SPON1: variants seen among roughly 807,000 people sequenced by gnomAD.
SPON1 encodes spondin 1.
Under a neutral mutation model 111.7 loss-of-function variants are expected in SPON1, and 52 were observed. The observed-to-expected ratio is 0.47, with a 90% confidence interval of 0.37 to 0.59. The LOEUF is 0.59. Among genes scored for constraint, SPON1 ranks in the 20% least tolerant of loss-of-function variants. The pLI, the probability that SPON1 is intolerant of heterozygous loss-of-function variation, is 0.00. For missense variants in SPON1, 957 were observed against 1,068.5 expected, an observed-to-expected ratio of 0.90 and a Z score of 1.46; for synonymous variants, 410 against 395.8, an observed-to-expected ratio of 1.04 and a Z score of -0.43.
At chr11:14,060,525 C>T (rs1167803551) in intron 3 of SPON1, among the ~76,000 whole-genome samples, 1 of 152,170 alleles carries the variant, frequency 6.6e-6, no homozygotes, top group Non-Finnish European at 1.5e-5. Context: ...CTACCTACCT[C>T]ATAGGCAGGA....
At chr11:14,162,248 T>TAG (rs1315065447) in intron 6 of SPON1, among the ~76,000 whole-genome samples, 2 of 151,876 alleles carry the variant, frequency 1.3e-5, no homozygotes, top group African/African-American at 4.8e-5. Flanking sequence ...CACATATATG[T>TAG]AGAGAGAGGG....
At chr11:13,986,110 A>G (rs1848180465) in intron 2 of SPON1, among the ~76,000 whole-genome samples, 2 of 152,238 alleles carry the variant, frequency 1.3e-5, no homozygotes, top group Admixed American at 6.5e-5. Flanking sequence ...CATTGGGGAT[A>G]GGGTGGTGAG....
At chr11:14,213,847 T>A (rs1848601033) in intron 6 of SPON1, among the ~76,000 whole-genome samples, 1 of 152,210 alleles carries the variant, frequency 6.6e-6, no homozygotes, top group African/African-American at 2.4e-5. Flanking sequence ...GTAAGCAGGC[T>A]TTTTTATAAG....
chr11:14,183,890 A>G (rs1367529390), intron 6 of SPON1, among the ~76,000 whole-genome samples: 1 of 54,880 alleles, frequency 1.8e-5, no homozygotes, highest in Non-Finnish European at 4.4e-5. Context: ...AAATATGATA[A>G]TAATATTCAC....
chr11:14,205,480 C>T (rs1848507909), intron 6 of SPON1, among the ~76,000 whole-genome samples: 1 of 152,148 alleles, frequency 6.6e-6, no homozygotes, highest in Non-Finnish European at 1.5e-5. Flanking sequence ...GAAATAGGCC[C>T]ACATTCTCAT....
chr11:14,082,186 G>GAA (rs5789822), intron 5 of SPON1, among the ~76,000 whole-genome samples: 13 of 150,388 alleles, frequency 8.6e-5, no homozygotes, highest in South Asian at 2.1e-4. Flanking sequence ...GGGAGGAGGT[G>GAA]AAAAAAAAAA....
chr11:14,082,107 C>T (rs1360067080), intron 5 of SPON1, among the ~76,000 whole-genome samples: 1 of 152,086 alleles, frequency 6.6e-6, no homozygotes, highest in African/African-American at 2.4e-5. Flanking sequence ...GGGCCCGTTA[C>T]TCATCTTTTG....
chr11:13,988,151 C>T (rs1186894002), intron 2 of SPON1, among the ~76,000 whole-genome samples: 3 of 152,116 alleles, frequency 2.0e-5, no homozygotes, highest in Admixed American at 6.5e-5. Flanking sequence ...GGCAGTATGG[C>T]CATTTTCATG....
intron 2 of SPON1, among the ~76,000 whole-genome samples, chr11:14,009,017 C>A (rs117843474): frequency 6.6e-6 from 1 of 152,168 alleles, no homozygotes; most frequent in South Asian, 2.1e-4. Flanking sequence ...ACCATAGTAA[C>A]CTTTCTGCAT....
In SPON1 at chr11:14,037,629, C is replaced by G. The variant is rs185460754; in HGVS notation, c.346-3892C>G. 5.3e-4 allele frequency among the ~76,000 whole-genome samples: 81 copies of G among 152,008 alleles called. 1 individual carries two copies. The highest frequency in any genetic ancestry group is 2.0e-3 in the African/African-American group (81 of 41,460). Reference sequence around the variant, plus strand: ...TGTAAAATGCAGAACTATAAAACTCCTAGAAGACAACACAGAAGAAAACCT... The same window carrying G: ...TGTAAAATGCAGAACTATAAAACTCGTAGAAGACAACACAGAAGAAAACCT... On this transcript the variant is annotated intron_variant, in intron 2 of 15. Transcript: ENST00000576479.
At chr11:14,210,792 A>T (rs1848567109) in intron 6 of SPON1, among the ~76,000 whole-genome samples, 2 of 152,266 alleles carry the variant, frequency 1.3e-5, no homozygotes, top group South Asian at 4.1e-4. Flanking sequence ...AGGTGTAAGG[A>T]AGGGGTCCAG....
intron 4 of SPON1, among the ~76,000 whole-genome samples, chr11:14,076,580 C>CAAA (rs1204845037): frequency 6.6e-6 from 1 of 152,138 alleles, no homozygotes; most frequent in African/African-American, 2.4e-5. Context: ...GCTTTCTTAG[C>CAAA]ATCATATACT....
chr11:14,138,371 TTAA>T (rs543762078), intron 6 of SPON1, among the ~76,000 whole-genome samples: 174 of 152,168 alleles, frequency 1.1e-3, no homozygotes, highest in African/African-American at 4.0e-3. Context: ...TAACAGTATA[TTAA>T]TAATAATACT....
At chr11:14,178,560 A>G (rs1354017138) in intron 6 of SPON1, among the ~76,000 whole-genome samples, 4 of 152,224 alleles carry the variant, frequency 2.6e-5, no homozygotes, top group African/African-American at 9.6e-5. Flanking sequence ...TCCTTGGGCT[A>G]AATTGTTACA....
chr11:14,136,690 A>T (rs1242676246), intron 6 of SPON1, among the ~76,000 whole-genome samples: 2 of 152,170 alleles, frequency 1.3e-5, no homozygotes, highest in African/African-American at 4.8e-5. Flanking sequence ...AATGCCCCAG[A>T]ATGAGCTTAT....
At chr11:14,194,398 G>T (rs1848378975) in intron 6 of SPON1, among the ~76,000 whole-genome samples, 2 of 152,112 alleles carry the variant, frequency 1.3e-5, no homozygotes, top group African/African-American at 2.4e-5. Context: ...AACTTGAATG[G>T]CAAATGCCAG....
chr11:14,090,824 G>GCCACCTC (rs1849046497), intron 5 of SPON1, among the ~76,000 whole-genome samples: 1 of 45,580 alleles, frequency 2.2e-5, no homozygotes, highest in Non-Finnish European at 3.9e-5. Flanking sequence ...CTCTTATCTG[G>GCCACCTC]CCCCCCCCCC....
intron 3 of SPON1, among the ~76,000 whole-genome samples, chr11:14,064,576 C>T (rs1591365649): frequency 6.6e-6 from 1 of 152,202 alleles, no homozygotes; most frequent in Non-Finnish European, 1.5e-5. Context: ...GCCAAGACTT[C>T]GGACTATAAC....
chr11:14,267,333 A>G lies in SPON1; in HGVS notation c.*1646A>G, dbSNP rs1849283468. 6.6e-6 allele frequency: 1 copy of G among 152,208 alleles called. No homozygotes were observed. Among genetic ancestry groups the G allele is most frequent in the Non-Finnish European group, 1.5e-5 (1 of 68,044 alleles). The allele number at this position is 152,208 out of a possible 1,614,324, so 9.4% of individuals were successfully genotyped here. On this transcript the variant is annotated 3_prime_UTR_variant, in exon 16 of 16. Coordinates refer to ENST00000576479, the MANE Select transcript of SPON1 (RefSeq NM_006108.4). ...TTGTTCTTGGAGGGACCATTATTAC[A>G]TCTCTGAACTACCTTTGTATCCAAC...
Sources: allele counts gnomAD v4.1 joint callset (sites outside exome capture counted in the v4.1 genomes callset), GRCh38; gene constraint gnomAD v4.1.1; transcripts MANE v1.5; gene names NCBI Gene and HGNC (gene_info 2026-07-23, HGNC 2026-07-21).